Variants in LUC7L2 observed in about 807,000 individuals in gnomAD.
The protein encoded by LUC7L2 is LUC7 like 2, pre-mRNA splicing factor.
In LUC7L2, 25 loss-of-function variants were observed where a neutral mutation model predicts 52.8. The observed-to-expected ratio is 0.47, with a 90% CI of 0.34 to 0.66. The LOEUF is 0.66. LUC7L2 is among the 30% of genes least tolerant of loss of function. The pLI, the probability that LUC7L2 is intolerant of heterozygous loss-of-function variation, is 0.01. For missense variants in LUC7L2, 328 were observed against 497.8 expected, an observed-to-expected ratio of 0.66 and a Z score of 3.25; for synonymous variants, 144 against 160.9, an observed-to-expected ratio of 0.89 and a Z score of 0.80.
In LUC7L2 at chr7:139,360,176, T is replaced by C; in HGVS notation, c.-86T>C. On this transcript the variant is annotated 5_prime_UTR_variant, in exon 1 of 10. Transcript: ENST00000354926. ...GCGGCCACCGAGACAGCAGCGCACC[T>C]TCCCCCATCCCTTCCCCTTATCCCC... The C allele has an allele frequency of 9.8e-7, 1 of 1,015,942 alleles. No homozygotes were observed. The highest frequency in any genetic ancestry group is 2.9e-5 in the East Asian group (1 of 34,890). 62.9% of individuals were successfully genotyped at this position (1,015,942 alleles called of 1,614,324 possible).
chr7:139,359,681 A>T (rs889019702), upstream of LUC7L2: 1 of 397,720 alleles, frequency 2.5e-6, no homozygotes, highest in African/African-American at 2.1e-5. Flanking sequence ...ATGTAATGTA[A>T]GGTTTGGCGC....
intron 2 of LUC7L2, among the ~76,000 whole-genome samples, chr7:139,394,874 C>T (rs531898002): frequency 5.9e-5 from 9 of 152,264 alleles, no homozygotes; most frequent in African/African-American, 2.2e-4. Flanking sequence ...TCTTTCTGTG[C>T]AAAGAATGGG....
intron 4 of LUC7L2, among the ~76,000 whole-genome samples, chr7:139,403,884 G>A (rs1795016104): frequency 2.0e-5 from 3 of 152,148 alleles, no homozygotes; most frequent in South Asian, 2.1e-4. Flanking sequence ...GAAGCATCAA[G>A]CCCCATCACA....
chr7:139,341,413 C>A (rs375052584), intron 1 of LUC7L2: 1 of 1,613,516 alleles, frequency 6.2e-7, no homozygotes, highest in Non-Finnish European at 8.5e-7. Flanking sequence ...CCGTCGCACA[C>A]TTTTCGAGGA....
At chr7:139,411,354 G>T (rs1795352381) in intron 7 of LUC7L2, among the ~76,000 whole-genome samples, 1 of 152,070 alleles carries the variant, frequency 6.6e-6, no homozygotes, top group South Asian at 2.1e-4. Context: ...TGGGATAAAA[G>T]AAAAAAATCA....
rs118183173 is a variant in LUC7L2, at chr7:139,417,589, A to C, written c.861A>C (p.Glu287Asp). Reference sequence around the variant, plus strand: ...ATCGATCTCGCTCCATGTCACGTGAACGCAAGAGGAGAACTCGATCCAAAT... The same window carrying C: ...ATCGATCTCGCTCCATGTCACGTGACCGCAAGAGGAGAACTCGATCCAAAT... ...RRHRSRSMSRERKRRTRSKSR... is the reference protein window; with the variant it reads ...RRHRSRSMSRDRKRRTRSKSR... The change falls in exon 9 of 10, where the codon GAA (glutamate) becomes GAC (aspartate). Residue 287 changes from glutamate (E) to aspartate (D), a missense_variant. This residue lies in a region of LUC7L2 where 195 missense variants were observed against 223.3 expected (regional missense o/e 0.87). Coordinates refer to ENST00000354926, the MANE Select transcript of LUC7L2 (RefSeq NM_016019.5). 9.1e-3 allele frequency: 14,640 copies of C among 1,614,194 alleles called. 127 individuals carry two copies. The highest frequency in any genetic ancestry group is 0.014 in the South Asian group (1,253 of 91,084).
chr7:139,398,816 G>GT, intron 3 of LUC7L2, 119 bp downstream of exon 3: 1 of 824,710 alleles, frequency 1.2e-6, no homozygotes, highest in South Asian at 2.2e-5. Context: ...TATATGAAGG[G>GT]TAAGACTCAA....
chr7:139,353,644 T>C (rs1799522822), intron 1 of LUC7L2, among the ~76,000 whole-genome samples: 1 of 152,008 alleles, frequency 6.6e-6, no homozygotes, highest in African/African-American at 2.4e-5. Context: ...AATACAAAAA[T>C]TAGCCGGGCG....
chr7:139,412,829 A>T (rs1441925827), intron 8 of LUC7L2: 1 of 94,098 alleles, frequency 1.1e-5, no homozygotes, highest in Non-Finnish European at 1.7e-5. Flanking sequence ...TGTCTTTAAA[A>T]AAAAAAAAAA....
Position 139,362,640 on chromosome 7 carries a change from T to TTA in LUC7L2, c.61+2318_61+2319insTA, listed in dbSNP as rs569458796. 3.6e-3 allele frequency among the ~76,000 whole-genome samples: 528 copies of TTA among 146,210 alleles called. 4 individuals are homozygous for TTA. Among genetic ancestry groups the TTA allele is most frequent in the African/African-American group, 0.011 (425 of 38,624 alleles). On this transcript the variant is annotated intron_variant, in intron 1 of 9. Transcript: ENST00000354926. ...CTCTGTCCTTTTTTTTTTTTTTTTT[T>TTA]AATTCCAGAGACTATAAAGCAGCGA...
intron 1 of LUC7L2, chr7:139,375,157 A>G (rs1457856046): frequency 1.0e-6 from 1 of 983,542 alleles, no homozygotes; most frequent in East Asian, 1.1e-4. Flanking sequence ...TCTAAGCAAA[A>G]AAATTTTAAC....
chr7:139,380,263 T>C (rs1800933658), intron 2 of LUC7L2, among the ~76,000 whole-genome samples: 1 of 152,022 alleles, frequency 6.6e-6, no homozygotes, highest in African/African-American at 2.4e-5. Context: ...TTATAAGAAA[T>C]ATGAATATTT....
chr7:139,403,664 C>G (rs952685961), intron 4 of LUC7L2, among the ~76,000 whole-genome samples: 1 of 152,158 alleles, frequency 6.6e-6, no homozygotes, highest in Non-Finnish European at 1.5e-5. Context: ...TACACAAATG[C>G]TGTATAACAA....
At chr7:139,383,742 C>CT (rs1184899822) in intron 2 of LUC7L2, among the ~76,000 whole-genome samples, 50 of 132,428 alleles carry the variant, frequency 3.8e-4, no homozygotes, top group African/African-American at 7.9e-4. Context: ...TTTCTTTTTT[C>CT]TTTTTTTTTG....
intron 2 of LUC7L2, among the ~76,000 whole-genome samples, chr7:139,395,076 A>G (rs1243806286): frequency 6.6e-6 from 1 of 152,248 alleles, no homozygotes; most frequent in Non-Finnish European, 1.5e-5. Flanking sequence ...CAACTGTGAC[A>G]TCTTGCATTT....
intron 2 of LUC7L2, among the ~76,000 whole-genome samples, chr7:139,395,537 CATT>C (rs1382419697): frequency 6.6e-6 from 1 of 152,188 alleles, no homozygotes; most frequent in African/African-American, 2.4e-5. Flanking sequence ...GATGAGTCCT[CATT>C]ATTTCCCAAA....
intron 1 of LUC7L2, chr7:139,375,243 A>G (rs772529700): frequency 5.1e-6 from 5 of 984,862 alleles, no homozygotes; most frequent in Non-Finnish European, 6.0e-6. Context: ...GTAGATAGCC[A>G]TATTTGATAA....
At chr7:139,391,612 A>G (rs1462287014) in intron 2 of LUC7L2, among the ~76,000 whole-genome samples, 1 of 151,866 alleles carries the variant, frequency 6.6e-6, no homozygotes, top group Non-Finnish European at 1.5e-5. Context: ...TGGGGGGGAC[A>G]GGGTCTCAGT....
At chr7:139,411,227 G>A (rs1352819290) in intron 7 of LUC7L2, among the ~76,000 whole-genome samples, 3 of 152,072 alleles carry the variant, frequency 2.0e-5, no homozygotes, top group Non-Finnish European at 4.4e-5. Flanking sequence ...TTTTGACAGT[G>A]ATTATATAAT....
Sources: gnomAD v4.1 joint callset for allele counts (sites outside exome capture counted in the v4.1 genomes callset) on GRCh38, gnomAD v4.1.1 for gene constraint, gnomAD v4.1.1 regional missense constraint, MANE v1.5 for transcripts, NCBI Gene and HGNC (gene_info 2026-07-23, HGNC 2026-07-21) for gene names.